The following NR3C1 variants were observed in gnomAD, a reference collection of about 807,000 sequenced individuals.
The protein encoded by NR3C1 is nuclear receptor subfamily 3 group C member 1.
A neutral mutation model predicts 74.0 loss-of-function variants in NR3C1; 14 were observed. The ratio of observed to expected loss-of-function variants is 0.19; its 90% CI spans 0.12 to 0.30. NR3C1 has a LOEUF of 0.30. Among genes scored for constraint, NR3C1 ranks in the 10% least tolerant of loss-of-function variants. The pLI is 1.00. For missense variants in NR3C1, 695 were observed against 909.8 expected (o/e 0.76, Z 3.04); for synonymous variants, 308 against 332.5 (o/e 0.93, Z 0.80).
At chr5:143,311,425 T>C (rs1820918465) in intron 3 of NR3C1, among the ~76,000 whole-genome samples, 1 of 152,208 alleles carries the variant, frequency 6.6e-6, no homozygotes, top group Admixed American at 6.5e-5. Context: ...CCCAGGTATG[T>C]CTTGTGCACA....
intron 6 of NR3C1, among the ~76,000 whole-genome samples, chr5:143,297,727 C>T (rs1426894216): frequency 6.6e-6 from 1 of 151,896 alleles, no homozygotes; most frequent in African/African-American, 2.4e-5. Flanking sequence ...GCTAGGGGTA[C>T]GAAAAGTAGT....
intron 3 of NR3C1, among the ~76,000 whole-genome samples, chr5:143,311,505 T>C (rs1468745594): frequency 6.6e-6 from 1 of 152,222 alleles, no homozygotes; most frequent in Non-Finnish European, 1.5e-5. Context: ...TTTGTGGTTA[T>C]TAGCATGAAG....
At chr5:143,394,090 C>T (rs1037553041) in intron 2 of NR3C1, among the ~76,000 whole-genome samples, 5 of 151,742 alleles carry the variant, frequency 3.3e-5, no homozygotes, top group Admixed American at 2.6e-4. Context: ...TATAAAACAA[C>T]AGGTACTTTC....
chr5:143,420,881 A>AT (rs201735758), intron 1 of NR3C1, among the ~76,000 whole-genome samples: 1 of 152,206 alleles, frequency 6.6e-6, no homozygotes, highest in Non-Finnish European at 1.5e-5. Context: ...TATTTTACAC[A>AT]TTTTAACATC....
At chr5:143,357,770 A>G (rs1445405588) in intron 2 of NR3C1, among the ~76,000 whole-genome samples, 4 of 152,242 alleles carry the variant, frequency 2.6e-5, no homozygotes, top group East Asian at 1.9e-4. Context: ...TGAAAAATAC[A>G]TATCTTCATA....
intron 4 of NR3C1, among the ~76,000 whole-genome samples, 178 bp downstream of exon 4, chr5:143,309,915 AATAT>A (rs1329344982): frequency 6.6e-6 from 1 of 152,228 alleles, no homozygotes; most frequent in African/African-American, 2.4e-5. Flanking sequence ...ATAAACAAAC[AATAT>A]GACATATTCA....
chr5:143,422,140 T>C (rs2151959926), intron 1 of NR3C1, among the ~76,000 whole-genome samples: 1 of 152,278 alleles, frequency 6.6e-6, no homozygotes, highest in African/African-American at 2.4e-5. Flanking sequence ...CTCACCAAGC[T>C]CTCCCCATCT....
intron 2 of NR3C1, among the ~76,000 whole-genome samples, chr5:143,380,210 T>C (rs890002161): frequency 1.3e-5 from 2 of 152,192 alleles, no homozygotes; most frequent in Non-Finnish European, 2.9e-5. Context: ...AACAAATCCT[T>C]AATTATTTGA....
intron 2 of NR3C1, among the ~76,000 whole-genome samples, chr5:143,322,816 A>G (rs1212898270): frequency 6.6e-6 from 1 of 152,196 alleles, no homozygotes; most frequent in East Asian, 1.9e-4. Context: ...TTAGATTCTC[A>G]CATTAACTTG....
At chr5:143,314,421 C>CTTTTTTTT (rs200172704) in intron 2 of NR3C1, among the ~76,000 whole-genome samples, 3 of 118,794 alleles carry the variant, frequency 2.5e-5, no homozygotes, top group African/African-American at 3.0e-5. Flanking sequence ...ACTTCTTCTT[C>CTTTTTTTT]TTTTTTTTTT....
intron 2 of NR3C1, among the ~76,000 whole-genome samples, chr5:143,316,947 G>C (rs80261024): frequency 0.023 from 3,493 of 152,200 alleles, 119 homozygotes; most frequent in African/African-American, 0.079. Flanking sequence ...ACAAGGGAAA[G>C]TAAAAATGAA....
At chr5:143,428,873 G>C (rs568458665) in intron 1 of NR3C1, among the ~76,000 whole-genome samples, 74 of 152,170 alleles carry the variant, frequency 4.9e-4, no homozygotes, top group African/African-American at 1.7e-3. Flanking sequence ...CCCACCAAAG[G>C]TCCCTGGGGC....
chr5:143,376,745 C>T (rs1835276072), intron 2 of NR3C1, among the ~76,000 whole-genome samples: 1 of 152,116 alleles, frequency 6.6e-6, no homozygotes. Context: ...GGGGTAAGAG[C>T]AGGGAGGGAA....
At chr5:143,391,706 AATC>A (rs1838257967) in intron 2 of NR3C1, among the ~76,000 whole-genome samples, 2 of 152,316 alleles carry the variant, frequency 1.3e-5, no homozygotes, top group African/African-American at 4.8e-5. Context: ...TGAAAAAAAA[AATC>A]ATTGTGAAGA....
At chr5:143,299,748 T>C (rs571857488) in intron 5 of NR3C1, among the ~76,000 whole-genome samples, 2 of 152,330 alleles carry the variant, frequency 1.3e-5, no homozygotes, top group African/African-American at 4.8e-5. Flanking sequence ...CTATTATGTA[T>C]TGATTTTAAA....
chr5:143,403,513 C>T lies in NR3C1; in HGVS notation c.-316G>A. On this transcript the variant is annotated 5_prime_UTR_variant, in exon 1 of 9. Coordinates refer to ENST00000394464, the MANE Select transcript of NR3C1 (RefSeq NM_000176.3). ...TCGGCCGCTCCGGCTGCGGCGTCTC[C>T]TTCCACCCACAGAATCCGTCCCCGA... The T allele has an allele frequency of 1.0e-6, 1 of 985,500 alleles. No homozygotes were observed. Among genetic ancestry groups the T allele is most frequent in the Non-Finnish European group, 1.2e-6 (1 of 830,042 alleles). 61.0% of individuals were successfully genotyped at this position (985,500 alleles called of 1,614,324 possible).
chr5:143,410,905 G>A (rs904105004), intron 1 of NR3C1, among the ~76,000 whole-genome samples: 2 of 152,140 alleles, frequency 1.3e-5, no homozygotes, highest in African/African-American at 4.8e-5. Flanking sequence ...GTACCAGCTT[G>A]CAAGCACTGA....
At chr5:143,329,747 A>C (rs1442124364) in intron 2 of NR3C1, among the ~76,000 whole-genome samples, 1 of 152,190 alleles carries the variant, frequency 6.6e-6, no homozygotes, top group Non-Finnish European at 1.5e-5. Context: ...ACCTTTTTTT[A>C]AATACCAATA....
chr5:143,395,639 C>T (rs1257779191), intron 2 of NR3C1, among the ~76,000 whole-genome samples: 1 of 151,752 alleles, frequency 6.6e-6, no homozygotes, highest in Non-Finnish European at 1.5e-5. Context: ...AATGAGAACC[C>T]ACTGCTCATT....
Sources: allele counts gnomAD v4.1 joint callset (sites outside exome capture counted in the v4.1 genomes callset), GRCh38; gene constraint gnomAD v4.1.1; transcripts MANE v1.5; gene names NCBI Gene and HGNC (gene_info 2026-07-23, HGNC 2026-07-21).